The following PPARA variants were observed in gnomAD, a reference collection of about 807,000 sequenced individuals.
PPARA encodes the protein peroxisome proliferator activated receptor alpha, also known as peroxisome proliferator-activated receptor alpha.
A neutral mutation model predicts 42.2 loss-of-function variants in PPARA; 22 were observed. The observed-to-expected ratio is 0.52, with a 90% CI of 0.37 to 0.74. The LOEUF (loss-of-function observed/expected upper bound fraction) is 0.74, where lower values mean the gene tolerates loss of function less well. PPARA is among the 30% of genes least tolerant of loss of function. The pLI, the probability that PPARA is intolerant of heterozygous loss-of-function variation, is 0.00. For synonymous variants in PPARA, 242 were observed against 239.3 expected, an observed-to-expected ratio of 1.01 and a Z score of -0.10; for missense variants, 465 against 608.2, an observed-to-expected ratio of 0.76 and a Z score of 2.48.
chr22:46,218,443 A>G, intron 6 of PPARA, 42 bp downstream of exon 6: 1 of 1,613,034 alleles, frequency 6.2e-7, no homozygotes, highest in Non-Finnish European at 8.5e-7. Context: ...TTCGTTCCTC[A>G]GTTCCCCTTC....
At chr22:46,209,405 T>A (rs1438161755) in intron 4 of PPARA, among the ~76,000 whole-genome samples, 2 of 152,210 alleles carry the variant, frequency 1.3e-5, no homozygotes, top group Non-Finnish European at 2.9e-5. Context: ...TTCTTCAAAC[T>A]TTTTTGTCGT....
At position 46,192,034 on chromosome 22, in the gene PPARA, C is replaced by T. The variant is rs1931635997; in HGVS notation, c.-42-6308C>T. Among the ~76,000 whole-genome samples the T allele has an allele frequency of 1.3e-5, 2 of 152,164 alleles. 1 individual carries two copies. The highest frequency in any genetic ancestry group is 4.1e-4 in the South Asian group (2 of 4,822). ...GAGCCGAGATCACGCCACTGTACTC[C>T]AGCCTGGTGACAGAGTGAGACTCCA... On this transcript the variant is annotated intron_variant, in intron 3 of 8. Transcript: ENST00000407236. The surrounding 1 kb of genome is among the most constrained non-coding windows in gnomAD (Gnocchi z 4.3).
chr22:46,222,493 T>G lies in PPARA; in HGVS notation c.711+2479T>G, dbSNP rs1456581765. 6.6e-6 allele frequency among the ~76,000 whole-genome samples: 1 copy of G among 152,228 alleles called. No individual in the cohort carries two copies. The highest frequency in any genetic ancestry group is 2.4e-5 in the African/African-American group (1 of 41,464). On this transcript the variant is annotated intron_variant, in intron 7 of 8. Transcript: ENST00000407236. This position sits in a 1 kb window ranked among gnomAD's most constrained non-coding sequence, Gnocchi z 5.9. ...ACCTCTTCTTTACTGAGTCCTTTAA[T>G]TCTTCAGTGAATTCTCCAATTAAAT... is the stretch of plus-strand genomic sequence containing the variant.
In PPARA at chr22:46,196,085, G is replaced by A. The variant is rs1243733267; in HGVS notation, c.-42-2257G>A. Among the ~76,000 whole-genome samples the A allele has an allele frequency of 5.3e-5, 8 of 152,176 alleles. No homozygotes were observed. Among genetic ancestry groups the A allele is most frequent in the Non-Finnish European group, 1.2e-4 (8 of 68,026 alleles). On this transcript the variant is annotated intron_variant, in intron 3 of 8. Coordinates refer to ENST00000407236, the MANE Select transcript of PPARA (RefSeq NM_005036.6). The surrounding 1 kb of genome is among the most constrained non-coding windows in gnomAD (Gnocchi z 5.6). ...GAAGAACAGTGACAAGTGCACAGTC[G>A]GGTAGGGACAAATGTGGAAGGGCTG...
chr22:46,226,079 C>G (rs2147650209), intron 7 of PPARA, among the ~76,000 whole-genome samples: 1 of 151,972 alleles, frequency 6.6e-6, no homozygotes, highest in South Asian at 2.1e-4. Context: ...TGCTCACATG[C>G]ATGTATATGC....
intron 2 of PPARA, among the ~76,000 whole-genome samples, chr22:46,153,977 C>T (rs928173383): frequency 2.6e-5 from 4 of 152,118 alleles, no homozygotes; most frequent in African/African-American, 9.7e-5. Flanking sequence ...AAAAATCTTC[C>T]TATGTGAAAA....
rs1373441847 is a variant in PPARA at position 46,188,264 on chromosome 22, A to G, written c.-42-10078A>G. Among the ~76,000 whole-genome samples, 1 of 152,250 alleles carries G rather than the reference A, an allele frequency of 6.6e-6. No homozygotes were observed. Among genetic ancestry groups the G allele is most frequent in the Non-Finnish European group, 1.5e-5 (1 of 68,046 alleles). On this transcript the variant is annotated intron_variant, in intron 3 of 8. Coordinates refer to ENST00000407236, the MANE Select transcript of PPARA (RefSeq NM_005036.6). This position sits in a 1 kb window ranked among gnomAD's most constrained non-coding sequence, Gnocchi z 5.0. ...TGTTACACGGTAACATGTAACTGAT[A>G]CAACTCTTGGAGCCAGTTGTTCAGC...
rs1936119863 is a variant in PPARA, at chr22:46,234,938, C to T, written c.1160-195C>T. On this transcript the variant is annotated intron_variant, in intron 8 of 8. Transcript: ENST00000407236. This position sits in a 1 kb window ranked among gnomAD's most constrained non-coding sequence, Gnocchi z 5.8. ...GAATATTTAGGAAAGAGTACTGGTCCTGTCTGTCCCTACTTCACCTATTGA... is the reference window on the plus strand; with the variant it reads ...GAATATTTAGGAAAGAGTACTGGTCTTGTCTGTCCCTACTTCACCTATTGA... 6.6e-6 allele frequency among the ~76,000 whole-genome samples: 1 copy of T among 152,194 alleles called. No homozygotes were observed. Among genetic ancestry groups the T allele is most frequent in the South Asian group, 2.1e-4 (1 of 4,834 alleles).
At position 46,171,205 on chromosome 22, in the gene PPARA, G is replaced by T; in HGVS notation, c.-126-5548G>T. On this transcript the variant is annotated intron_variant, in intron 2 of 8. Transcript: ENST00000407236. This position sits in a 1 kb window ranked among gnomAD's most constrained non-coding sequence, Gnocchi z 5.0. The stretch of plus-strand genomic sequence containing the variant: ...AAGTACAGAGTCCAGGAAGCCTGGG[G>T]TGGGGCTGGCAGATGCCGAGTCATC... The T allele has an allele frequency of 6.6e-6, 1 of 152,568 alleles. No homozygotes were observed. Among genetic ancestry groups the T allele is most frequent in the Non-Finnish European group, 1.5e-5 (1 of 68,264 alleles). The allele number at this position is 152,568 out of a possible 1,614,324, so 9.5% of individuals were successfully genotyped here.
rs59733161 is a variant in PPARA, at chr22:46,185,916, AATATATATATATAT to A, written c.-43+9116_-43+9129del. Among the ~76,000 whole-genome samples, 97 of 25,304 alleles carry A rather than the reference AATATATATATATAT, an allele frequency of 3.8e-3. 4 individuals are homozygous for A. Among genetic ancestry groups the A allele is most frequent in the African/African-American group, 0.017 (85 of 5,068 alleles). 16.6% of individuals were successfully genotyped at this position (25,304 alleles called of 152,430 possible). On this transcript the variant is annotated intron_variant, in intron 3 of 8. Transcript: ENST00000407236. ...TCTCCAAAAAAAAAAAAAAAAAAAA[AATATATATATATAT>A]ATATATATATATATATATATATATA... is the stretch of plus-strand genomic sequence containing the variant.
intron 4 of PPARA, among the ~76,000 whole-genome samples, chr22:46,207,348 C>A (rs140046041): frequency 0.016 from 2,207 of 135,060 alleles, 62 homozygotes; most frequent in African/African-American, 0.058. Context: ...GTGGTGCCAT[C>A]TTGGCTCACT....
At position 46,242,726 on chromosome 22, in the gene PPARA, T is replaced by TGC. The variant is rs201200105; in HGVS notation, c.*7348_*7349dup. On this transcript the variant is annotated 3_prime_UTR_variant, in exon 9 of 9. Transcript: ENST00000407236. This position sits in a 1 kb window ranked among gnomAD's most constrained non-coding sequence, Gnocchi z 6.1. ...ATCTAAAATACACTGCGTACACGTGTGCGTGCACACACACACACACACACA... is the reference window on the plus strand; with the variant it reads ...ATCTAAAATACACTGCGTACACGTGTGCGCGTGCACACACACACACACACACA... The TGC allele has an allele frequency of 1.5e-5, 2 of 130,440 alleles. No homozygotes were observed. The highest frequency in any genetic ancestry group is 3.2e-5 in the Non-Finnish European group (2 of 62,504). 8.1% of individuals were successfully genotyped at this position (130,440 alleles called of 1,614,324 possible).
At position 46,225,454 on chromosome 22, in the gene PPARA, G is replaced by A. The variant is rs113518087; in HGVS notation, c.711+5440G>A. On this transcript the variant is annotated intron_variant, in intron 7 of 8. Coordinates refer to ENST00000407236, the MANE Select transcript of PPARA (RefSeq NM_005036.6). This position sits in a 1 kb window ranked among gnomAD's most constrained non-coding sequence, Gnocchi z 4.1. The stretch of plus-strand genomic sequence containing the variant: ...GGAAGCAACAGAAAATGAGACTGAG[G>A]GGCTTGGGCAGAGTCAGTGCCTTCT... Among the ~76,000 whole-genome samples the A allele has an allele frequency of 9.1e-3, 1,382 of 152,172 alleles. 14 individuals carry two copies. The highest frequency in any genetic ancestry group is 0.017 in the Middle Eastern group (5 of 294).
In PPARA at chr22:46,198,357, CG is replaced by C; in HGVS notation, c.-25del. On this transcript the variant is annotated 5_prime_UTR_variant, in exon 4 of 9. Coordinates refer to ENST00000407236, the MANE Select transcript of PPARA (RefSeq NM_005036.6). ...TTCCTCCCAGTAGCTTGGAGCTCGG[CG>C]GCACAACCAGCACCATCTGGTCGCG... 1.2e-6 allele frequency: 2 copies of C among 1,606,692 alleles called. No homozygotes were observed. The highest frequency in any genetic ancestry group is 8.5e-7 in the Non-Finnish European group (1 of 1,173,696).
At chr22:46,205,198 G>T (rs1933108890) in intron 4 of PPARA, among the ~76,000 whole-genome samples, 1 of 151,338 alleles carries the variant, frequency 6.6e-6, no homozygotes, top group Admixed American at 6.6e-5. Flanking sequence ...ATTTATCAAT[G>T]TCCTTTTTTT....
chr22:46,219,157 G>A lies in PPARA; in HGVS notation c.509-655G>A, dbSNP rs964917281. ...AGCCTGGGCGACAGAGTGCGACTCC[G>A]TCTCAAAAAAAAAGAAAAAAAAAGA... On this transcript the variant is annotated intron_variant, in intron 6 of 8. Transcript: ENST00000407236. The surrounding 1 kb of genome is among the most constrained non-coding windows in gnomAD (Gnocchi z 4.8). Among the ~76,000 whole-genome samples the A allele has an allele frequency of 1.1e-4, 16 of 151,574 alleles. No individual in the cohort carries two copies. Among genetic ancestry groups the A allele is most frequent in the Non-Finnish European group, 1.9e-4 (13 of 67,920 alleles).
At chr22:46,177,858 A>T (rs1001857233) in intron 3 of PPARA, among the ~76,000 whole-genome samples, 1 of 152,182 alleles carries the variant, frequency 6.6e-6, no homozygotes, top group African/African-American at 2.4e-5. Flanking sequence ...TCAGGTGTGT[A>T]ACCAGTGAGA....
chr22:46,228,216 T>G (rs4253767), intron 7 of PPARA, among the ~76,000 whole-genome samples: 2,031 of 152,340 alleles, frequency 0.013, 40 homozygotes, highest in African/African-American at 0.047. Flanking sequence ...CGCTGTTGCC[T>G]TCTTGAAATT....
rs1009123161 is a variant in PPARA, at chr22:46,173,181, G to C, written c.-126-3572G>C. Among the ~76,000 whole-genome samples, 2 of 152,140 alleles carry C rather than the reference G, an allele frequency of 1.3e-5. No homozygotes were observed. The highest frequency in any genetic ancestry group is 2.9e-5 in the Non-Finnish European group (2 of 68,026). ...TTGAGTTGCTTAAAGTCATGCTATC[G>C]GGTAGATGTTGTGGCTGTTCTTTTC... On this transcript the variant is annotated intron_variant, in intron 2 of 8. Coordinates refer to ENST00000407236, the MANE Select transcript of PPARA (RefSeq NM_005036.6). This position sits in a 1 kb window ranked among gnomAD's most constrained non-coding sequence, Gnocchi z 4.3.
Sources: gnomAD v4.1 joint callset for allele counts (sites outside exome capture counted in the v4.1 genomes callset) on GRCh38, gnomAD v4.1.1 for gene constraint, Gnocchi (gnomAD v3.1) non-coding constraint, MANE v1.5 for transcripts, NCBI Gene and HGNC (gene_info 2026-07-23, HGNC 2026-07-21) for gene names.